MUC20: variants seen among roughly 807,000 people sequenced by gnomAD.
MUC20 encodes mucin-20.
In MUC20, 14 loss-of-function variants were observed where a neutral mutation model predicts 23.8. The ratio of observed to expected loss-of-function variants is 0.59; its 90% CI spans 0.39 to 0.92. The LOEUF is 0.92. MUC20 is among the 40% of genes least tolerant of loss of function. MUC20 has a pLI of 0.00. For synonymous variants in MUC20, 166 were observed against 279.3 expected (o/e 0.59, Z 4.04); for missense variants, 375 against 668.8 (o/e 0.56, Z 4.85).
chr3:195,721,271 G>A (rs1308768002), intron 1 of MUC20, among the ~76,000 whole-genome samples, 188 bp downstream of exon 1: 9 of 141,458 alleles, frequency 6.4e-5, no homozygotes, highest in East Asian at 2.2e-4. Flanking sequence ...GAGTGTAAGC[G>A]TGCATGGCGC....
At chr3:195,726,703 C>G in intron 2 of MUC20, 131 bp downstream of exon 2, 1 of 1,090,594 alleles carries the variant, frequency 9.2e-7, no homozygotes. Context: ...GTTGCCTCTT[C>G]GTGATCTTCT....
intron 3 of MUC20, among the ~76,000 whole-genome samples, chr3:195,730,539 ACGGGGTTTCAC>A (rs1713284137): frequency 6.6e-6 from 1 of 151,472 alleles, no homozygotes; most frequent in Non-Finnish European, 1.5e-5. Flanking sequence ...TTTAGTAGAG[ACGGGGTTTCAC>A]CGTGTTAGCC....
chr3:195,732,601 C>A (rs1404523079), intron 3 of MUC20, among the ~76,000 whole-genome samples: 1 of 152,248 alleles, frequency 6.6e-6, no homozygotes, highest in Non-Finnish European at 1.5e-5. Context: ...CTCAGGTGAC[C>A]CACCTGCCTC....
chr3:195,729,708 A>T lies in MUC20; in HGVS notation c.2030A>T (p.Asp677Val). The T allele has an allele frequency of 6.3e-7, 1 of 1,598,254 alleles. No individual in the cohort carries two copies. The highest frequency in any genetic ancestry group is 8.5e-7 in the Non-Finnish European group (1 of 1,171,882). The change falls in exon 3 of 4, where the codon GAC becomes GTC. Residue 677 changes from aspartate (D) to valine (V), a missense_variant. Physicochemically the swap from Asp to Val is radical, Grantham distance 152 (BLOSUM62 -3). Around this residue, in one of 4 missense-constraint regions of MUC20, gnomAD observed 343 missense variants for 340.2 expected, o/e 1.01. Coordinates refer to ENST00000447234, the MANE Select transcript of MUC20 (RefSeq NM_001282506.2). ...LSVASPEDLT[D>V]PRVAERLMQQ... ...GTGGCTTCCCCGGAAGACCTCACTG[A>T]CCCCAGAGTGGCAGAAAGGCTGATG...
Position 195,729,742 on chromosome 3 carries a change from G to C in MUC20, c.2061+3G>C, listed in dbSNP as rs144512905. 2 of 1,591,764 alleles carry C rather than the reference G, an allele frequency of 1.3e-6. No individual in the cohort carries two copies. The highest frequency in any genetic ancestry group is 8.6e-7 in the Non-Finnish European group (1 of 1,168,424). ...TGGCAGAAAGGCTGATGCAGCAGGT[G>C]AGTGGGCACTTTCCGGGCCAGGGGA... On this transcript the variant is annotated splice_donor_region_variant and intron_variant, in intron 3 of 3. Coordinates refer to ENST00000447234, the MANE Select transcript of MUC20 (RefSeq NM_001282506.2).
intron 3 of MUC20, 90 bp from the exon 4 acceptor site, chr3:195,733,060 C>A (rs1002674641): frequency 6.4e-6 from 9 of 1,410,840 alleles, no homozygotes; most frequent in Non-Finnish European, 8.8e-6. Context: ...TCCGCATGCA[C>A]TCTGCCCCAG....
intron 1 of MUC20, among the ~76,000 whole-genome samples, chr3:195,721,540 A>T (rs1347302992): frequency 3.3e-5 from 5 of 151,722 alleles, no homozygotes; most frequent in Non-Finnish European, 4.4e-5. Context: ...GATTTCCTTC[A>T]AAATACAGAT....
At chr3:195,722,925 CA>C in intron 1 of MUC20, 1 of 247,438 alleles carries the variant, frequency 4.0e-6, no homozygotes, top group Non-Finnish European at 6.4e-6. Flanking sequence ...TCACTATAGT[CA>C]GATCAACTAT....
chr3:195,725,981 G>T lies in MUC20; in HGVS notation c.1378G>T (p.Ala460Ser). 2 of 1,613,976 alleles carry T rather than the reference G, an allele frequency of 1.2e-6. No homozygotes were observed. Among genetic ancestry groups the T allele is most frequent in the East Asian group, 2.2e-5 (1 of 44,874 alleles). Residue 460 changes from alanine to serine, a missense_variant, in exon 2 of 4, where the codon GCT becomes TCT. This residue lies in a region of MUC20 where 343 missense variants were observed against 340.2 expected (regional missense o/e 1.01). Coordinates refer to ENST00000447234, the MANE Select transcript of MUC20 (RefSeq NM_001282506.2). ...VKASSTSDPP[A>S]LPDSTEAKPH... ...GGCCTCGTCCACCTCCGATCCACCA[G>T]CTCTGCCTGACTCCACTGAAGCAAA...
chr3:195,728,502 T>A (rs1712975467), intron 2 of MUC20, among the ~76,000 whole-genome samples: 2 of 152,278 alleles, frequency 1.3e-5, no homozygotes, highest in African/African-American at 4.8e-5. Context: ...GCTGCAAACA[T>A]GTCTCACCTC....
At position 195,733,365 on chromosome 3, in the gene MUC20, G is replaced by A. The variant is rs712011; in HGVS notation, c.*147G>A. ...TGAAGGGCAGCATGTCCAAGCCCCTGACCCCAGATGTGGCAACAGGACCCT... is the reference window on the plus strand; with the variant it reads ...TGAAGGGCAGCATGTCCAAGCCCCTAACCCCAGATGTGGCAACAGGACCCT... On this transcript the variant is annotated 3_prime_UTR_variant, in exon 4 of 4. Coordinates refer to ENST00000447234, the MANE Select transcript of MUC20 (RefSeq NM_001282506.2). 621,147 of 1,462,874 alleles carry A rather than the reference G, an allele frequency of 0.42. 85,968 individuals are homozygous for A. The highest frequency in any genetic ancestry group is 0.71 in the East Asian group (28,550 of 40,058). The allele number at this position is 1,462,874 out of a possible 1,614,324, so 90.6% of individuals were successfully genotyped here.
At chr3:195,721,202 C>G in intron 1 of MUC20, 119 bp downstream of exon 1, 1 of 1,301,458 alleles carries the variant, frequency 7.7e-7, no homozygotes, top group Non-Finnish European at 1.0e-6. Context: ...TTATAATGAA[C>G]CACAGTGCTA....
Position 195,729,691 on chromosome 3 carries a change from C to T in MUC20, c.2013C>T (p.Ser671=). ...TCCTCCTGCGGCTGAGTGTGGCTTC[C>T]CCGGAAGACCTCACTGACCCCAGAG... ...GFLLLRLSVA[S]PEDLTDPRVA... Residue 671 remains serine, a synonymous_variant, in exon 3 of 4, where the codon TCC becomes TCT. Transcript: ENST00000447234. The T allele has an allele frequency of 1.3e-6, 2 of 1,596,270 alleles. No homozygotes were observed. Among genetic ancestry groups the T allele is most frequent in the Non-Finnish European group, 1.7e-6 (2 of 1,170,974 alleles).
At chr3:195,729,775 A>G in intron 3 of MUC20, 36 bp downstream of exon 3, 1 of 1,560,944 alleles carries the variant, frequency 6.4e-7, no homozygotes, top group Non-Finnish European at 8.7e-7. Flanking sequence ...GGAGTAGAGG[A>G]AGGGGCGAGG....
Position 195,733,290 on chromosome 3 carries a change from GACAGACTGC to G in MUC20, c.*74_*82del. The G allele has an allele frequency of 1.3e-6, 2 of 1,551,792 alleles. No individual in the cohort carries two copies. Among genetic ancestry groups the G allele is most frequent in the Non-Finnish European group, 8.7e-7 (1 of 1,147,146 alleles). On this transcript the variant is annotated 3_prime_UTR_variant, in exon 4 of 4. Transcript: ENST00000447234. The stretch of plus-strand genomic sequence containing the variant: ...GCTGCCCCTAGCCTGGGCCCCCACC[GACAGACTGC>G]AGCTGCGTTACTGTGCTGAGAGGTA...
rs1267360151 is a variant in MUC20 at position 195,733,502 on chromosome 3, A to C, written c.*284A>C. ...TGTTTCAGTAAAGAGAGACCTGATC[A>C]CCCATCTGTGTGCTTCCATCCTGCA... On this transcript the variant is annotated 3_prime_UTR_variant, in exon 4 of 4. Coordinates refer to ENST00000447234, the MANE Select transcript of MUC20 (RefSeq NM_001282506.2). 2 of 1,369,750 alleles carry C rather than the reference A, an allele frequency of 1.5e-6. No individual in the cohort carries two copies. The highest frequency in any genetic ancestry group is 2.9e-5 in the African/African-American group (2 of 68,764). The allele number at this position is 1,369,750 out of a possible 1,614,324, so 84.8% of individuals were successfully genotyped here. A position where few individuals can be genotyped will look rare whatever the true frequency, so the allele number is the denominator to read the frequency against.
In MUC20 at chr3:195,726,255, C is replaced by T. The variant is rs368331468; in HGVS notation, c.1652C>T (p.Pro551Leu). The T allele has an allele frequency of 2.4e-5, 39 of 1,613,880 alleles. No individual in the cohort carries two copies. Among genetic ancestry groups the T allele is most frequent in the African/African-American group, 1.6e-4 (12 of 74,958 alleles). ...TACGTCAAAGTCTCAGGAGCAGCTC[C>T]GGTCTCCATAGAGGCTGGGTCAGCA... ...PSYVKVSGAAPVSIEAGSAVG... is the reference protein window; with the variant it reads ...PSYVKVSGAALVSIEAGSAVG... Residue 551 changes from proline to leucine, a missense_variant, in exon 2 of 4, where the codon CCG (proline) becomes CTG (leucine). By Grantham distance (98) the Pro-to-Leu change is moderately conservative. Coordinates refer to ENST00000447234, the MANE Select transcript of MUC20 (RefSeq NM_001282506.2).
intron 3 of MUC20, chr3:195,730,040 G>T: frequency 2.7e-6 from 1 of 365,350 alleles, no homozygotes; most frequent in Non-Finnish European, 5.0e-6. Context: ...GATACTGATG[G>T]GAGGGTAGGT....
intron 2 of MUC20, among the ~76,000 whole-genome samples, chr3:195,728,269 T>C (rs1366213396): frequency 6.6e-6 from 1 of 152,294 alleles, no homozygotes; most frequent in African/African-American, 2.4e-5. Flanking sequence ...CTGAGTTTTC[T>C]CAGTTTTTAT....
Sources: gnomAD v4.1 joint callset for allele counts (sites outside exome capture counted in the v4.1 genomes callset) on GRCh38, gnomAD v4.1.1 for gene constraint, gnomAD v4.1.1 regional missense constraint, MANE v1.5 for transcripts, NCBI Gene and HGNC (gene_info 2026-07-23, HGNC 2026-07-21) for gene names.